Variants in CADPS observed in about 807,000 individuals in gnomAD.
CADPS encodes the protein calcium-dependent secretion activator 1.
In CADPS, 57 loss-of-function variants were observed where a neutral mutation model predicts 167.3. The ratio of observed to expected loss-of-function variants is 0.34; its 90% CI spans 0.28 to 0.42. The LOEUF (loss-of-function observed/expected upper bound fraction) is 0.42, where lower values mean the gene tolerates loss of function less well. Ranked by LOEUF, CADPS falls within the 20% of genes least tolerant of loss-of-function variation. The pLI is 1.00. For synonymous variants in CADPS, 676 were observed against 635.3 expected (o/e 1.06, Z -0.96); for missense variants, 1,414 against 1,738.1 (o/e 0.81, Z 3.32).
rs182976337 is a variant in CADPS, at chr3:62,704,116, A to G, written c.889-41722T>C. ...TCAAACAAGGTCTGTGCTTACTTGG[A>G]GCTTACATTCTAGTAGGGGGAAAAA... On this transcript the variant is annotated intron_variant, in intron 3 of 29. Transcript: ENST00000383710. Among the ~76,000 whole-genome samples, 207 of 152,282 alleles carry G rather than the reference A, an allele frequency of 1.4e-3. 3 individuals carry two copies. The highest frequency in any genetic ancestry group is 4.5e-3 in the African/African-American group (186 of 41,528).
Position 62,759,850 on chromosome 3 carries a change from A to G in CADPS, c.555+6021T>C, listed in dbSNP as rs974414278. ...TTACTTTCACGGTCATTTGAAACAC[A>G]TCTTTTCTACCTGGAAAAATACAAA... is the stretch of plus-strand genomic sequence containing the variant. On this transcript the variant is annotated intron_variant, in intron 2 of 29. Coordinates refer to ENST00000383710, the MANE Select transcript of CADPS (RefSeq NM_003716.4). 7.9e-5 allele frequency among the ~76,000 whole-genome samples: 12 copies of G among 152,260 alleles called. No homozygotes were observed. The South Asian group carries it at 1.0e-3, about 13-fold the overall frequency.
At position 62,601,256 on chromosome 3, in the gene CADPS, G is replaced by T. The variant is rs1293335137; in HGVS notation, c.1326-8508C>A. On this transcript the variant is annotated intron_variant, in intron 6 of 29. Coordinates refer to ENST00000383710, the MANE Select transcript of CADPS (RefSeq NM_003716.4). This position sits in a 1 kb window ranked among gnomAD's most constrained non-coding sequence, Gnocchi z 4.3. ...TCAAATTTTGATGCCCATCAATAACGTTTTATTAGAACATAGTTAGCTTAC... is the reference window on the plus strand; with the variant it reads ...TCAAATTTTGATGCCCATCAATAACTTTTTATTAGAACATAGTTAGCTTAC... Among the ~76,000 whole-genome samples the T allele has an allele frequency of 6.6e-6, 1 of 152,062 alleles. No individual in the cohort carries two copies. Among genetic ancestry groups the T allele is most frequent in the Non-Finnish European group, 1.5e-5 (1 of 68,022 alleles).
At chr3:62,816,837 A>C (rs1162015975) in intron 1 of CADPS, among the ~76,000 whole-genome samples, 1 of 152,128 alleles carries the variant, frequency 6.6e-6, no homozygotes, top group African/African-American at 2.4e-5. Context: ...CTAGTTTTCA[A>C]ATCTCTTTAG....
At chr3:62,863,150 G>A (rs972104056) in intron 1 of CADPS, among the ~76,000 whole-genome samples, 12 of 152,102 alleles carry the variant, frequency 7.9e-5, no homozygotes, top group Non-Finnish European at 1.5e-4. Context: ...CTGCAGTCAG[G>A]AGAAAGAAAA....
intron 13 of CADPS, among the ~76,000 whole-genome samples, chr3:62,522,272 G>C (rs1408689330): frequency 1.3e-5 from 2 of 152,100 alleles, no homozygotes; most frequent in African/African-American, 4.8e-5. Flanking sequence ...GAGAGGCTGG[G>C]ACTGCAGAAG....
chr3:62,528,081 T>C (rs1258962549), intron 13 of CADPS, among the ~76,000 whole-genome samples: 3 of 152,210 alleles, frequency 2.0e-5, no homozygotes, highest in Admixed American at 2.0e-4. Flanking sequence ...GTTTTGGCCA[T>C]CTTCAGGCTT....
chr3:62,705,025 T>C (rs2082079104), intron 3 of CADPS, among the ~76,000 whole-genome samples: 1 of 152,104 alleles, frequency 6.6e-6, no homozygotes, highest in Non-Finnish European at 1.5e-5. Context: ...ACCTTGATGA[T>C]GCTTGGGATT....
chr3:62,452,206 T>C (rs990304353), intron 26 of CADPS, among the ~76,000 whole-genome samples: 1 of 152,196 alleles, frequency 6.6e-6, no homozygotes, highest in Non-Finnish European at 1.5e-5. Flanking sequence ...AAAGGCATAG[T>C]CCCTGGGCAT....
chr3:62,525,692 T>A (rs2071933962), intron 13 of CADPS, among the ~76,000 whole-genome samples: 2 of 151,780 alleles, frequency 1.3e-5, no homozygotes, highest in Admixed American at 1.3e-4. Context: ...TGTGTGTGTG[T>A]GTGTGTGTGT....
At chr3:62,827,713 T>C (rs938547701) in intron 1 of CADPS, among the ~76,000 whole-genome samples, 2 of 152,168 alleles carry the variant, frequency 1.3e-5, no homozygotes, top group Non-Finnish European at 2.9e-5. Context: ...AAGCCCTTAA[T>C]GAATCAAAAC....
chr3:62,600,620 G>A (rs1159972836), intron 6 of CADPS, among the ~76,000 whole-genome samples: 1 of 152,152 alleles, frequency 6.6e-6, no homozygotes, highest in Non-Finnish European at 1.5e-5. Context: ...CTCCATTTAG[G>A]AAACACTTCC....
At chr3:62,716,255 C>A (rs557578855) in intron 3 of CADPS, among the ~76,000 whole-genome samples, 1 of 152,096 alleles carries the variant, frequency 6.6e-6, no homozygotes, top group South Asian at 2.1e-4. Flanking sequence ...GGTTTCGCCA[C>A]GTTGGCCAGG....
chr3:62,433,184 A>G lies in CADPS; in HGVS notation c.3777+4920T>C, dbSNP rs1027966612. 6.6e-6 allele frequency among the ~76,000 whole-genome samples: 1 copy of G among 152,210 alleles called. No homozygotes were observed. Among genetic ancestry groups the G allele is most frequent in the African/African-American group, 2.4e-5 (1 of 41,458 alleles). ...TTAATAAGGTTGTTAAAATAAGGGT[A>G]TCTGTGGTTTCATATATAAATATAG... On this transcript the variant is annotated intron_variant, in intron 28 of 29. Coordinates refer to ENST00000383710, the MANE Select transcript of CADPS (RefSeq NM_003716.4). The surrounding 1 kb of genome is among the most constrained non-coding windows in gnomAD (Gnocchi z 4.7).
intron 1 of CADPS, among the ~76,000 whole-genome samples, chr3:62,819,184 ATTC>A (rs940236867): frequency 6.6e-6 from 1 of 152,192 alleles, no homozygotes; most frequent in African/African-American, 2.4e-5. Flanking sequence ...GATGTAAATT[ATTC>A]TTCAATAAAG....
intron 2 of CADPS, among the ~76,000 whole-genome samples, chr3:62,761,824 G>T (rs1028847667): frequency 6.6e-5 from 10 of 152,176 alleles, no homozygotes; most frequent in Non-Finnish European, 1.2e-4. Context: ...GAACCAGACA[G>T]AATTGCTGGG....
At chr3:62,779,448 G>A (rs1849470) in intron 1 of CADPS, 14,562 of 522,202 alleles carry the variant, frequency 0.028, 288 homozygotes, top group South Asian at 0.047. Flanking sequence ...TCCTCATTTT[G>A]CCTTCATGAC....
At chr3:62,638,077 T>TTTTA (rs1327401611) in intron 6 of CADPS, among the ~76,000 whole-genome samples, 1 of 36,766 alleles carries the variant, frequency 2.7e-5, no homozygotes, top group African/African-American at 3.9e-5. Flanking sequence ...GTTTTAAGCA[T>TTTTA]TATATATATA....
At chr3:62,536,239 G>A (rs2074665000) in intron 12 of CADPS, 2 of 457,322 alleles carry the variant, frequency 4.4e-6, no homozygotes, top group Admixed American at 3.5e-5. Context: ...TGGGGAATTG[G>A]ATCTGTTTCT....
intron 24 of CADPS, among the ~76,000 whole-genome samples, chr3:62,471,969 A>G (rs1167335548): frequency 1.3e-5 from 2 of 152,226 alleles, no homozygotes; most frequent in African/African-American, 4.8e-5. Context: ...TAAATGGGCA[A>G]AAGATTTTGA....
Sources: gnomAD v4.1 joint callset for allele counts (sites outside exome capture counted in the v4.1 genomes callset) on GRCh38, gnomAD v4.1.1 for gene constraint, Gnocchi (gnomAD v3.1) non-coding constraint, MANE v1.5 for transcripts, NCBI Gene and HGNC (gene_info 2026-07-23, HGNC 2026-07-21) for gene names.